The following RAB5B variants were observed in gnomAD, a reference collection of about 807,000 sequenced individuals.
RAB5B encodes RAB5B, member RAS oncogene family.
RAB5B carries 11 observed loss-of-function variants against 28.6 expected under a neutral mutation model. The ratio of observed to expected loss-of-function variants is 0.38; its 90% CI spans 0.24 to 0.64. The LOEUF is 0.64. RAB5B is among the 30% of genes least tolerant of loss of function. RAB5B has a pLI of 0.53. For missense variants in RAB5B, 169 were observed against 265.6 expected, an observed-to-expected ratio of 0.64 and a Z score of 2.53; for synonymous variants, 93 against 97.9, an observed-to-expected ratio of 0.95 and a Z score of 0.29.
chr12:55,996,003 A>ATATTTTTTTTTT lies in RAB5B; in HGVS notation c.*3792_*3793insATTTTTTTTTTT. The ATATTTTTTTTTT allele has an allele frequency of 4.1e-5, 4 of 97,408 alleles. No individual in the cohort carries two copies. Among genetic ancestry groups the ATATTTTTTTTTT allele is most frequent in the Non-Finnish European group, 5.9e-5 (3 of 50,482 alleles). The allele number at this position is 97,408 out of a possible 1,614,324, so 6.0% of individuals were successfully genotyped here. On this transcript the variant is annotated 3_prime_UTR_variant, in exon 6 of 6. Transcript: ENST00000360299. ...TATATACATATATATATATATATAT[A>ATATTTTTTTTTT]TTTTTTTTTTAACAACTGGTAGGAT... is the stretch of plus-strand genomic sequence containing the variant.
At chr12:55,981,785 C>A (rs564628894) in intron 1 of RAB5B, among the ~76,000 whole-genome samples, 1 of 151,574 alleles carries the variant, frequency 6.6e-6, no homozygotes, top group East Asian at 1.9e-4. Flanking sequence ...TTTTATAAGT[C>A]ATTCTTGTAG....
At chr12:55,978,846 C>A (rs1195298396) in intron 1 of RAB5B, among the ~76,000 whole-genome samples, 1 of 149,320 alleles carries the variant, frequency 6.7e-6, no homozygotes, top group Non-Finnish European at 1.5e-5. Flanking sequence ...AATCTGTGCT[C>A]ACTGCAACCT....
rs187639050 is a variant in RAB5B at position 55,987,627 on chromosome 12, C to T, written c.163+504C>T. Reference sequence around the variant, plus strand: ...GGCGGATCACCTGAGGTCAGGAGTTCGAGACCAGCCTGCCCAACATGGCGA... The same window carrying T: ...GGCGGATCACCTGAGGTCAGGAGTTTGAGACCAGCCTGCCCAACATGGCGA... On this transcript the variant is annotated intron_variant, in intron 2 of 5. Coordinates refer to ENST00000360299, the MANE Select transcript of RAB5B (RefSeq NM_002868.4). 2.2e-4 allele frequency among the ~76,000 whole-genome samples: 34 copies of T among 152,128 alleles called. 3 individuals carry two copies. The East Asian group carries it at 6.6e-3, about 30-fold the overall frequency.
intron 4 of RAB5B, chr12:55,991,069 TA>T (rs1890102442): frequency 1.9e-6 from 1 of 528,466 alleles, no homozygotes; most frequent in African/African-American, 1.9e-5. Flanking sequence ...AGGGAGCAAT[TA>T]AATTTGTGGT....
At chr12:55,985,095 T>A (rs1451272499) in intron 1 of RAB5B, among the ~76,000 whole-genome samples, 2 of 152,252 alleles carry the variant, frequency 1.3e-5, no homozygotes, top group African/African-American at 4.8e-5. Context: ...AAGGCTATTA[T>A]CTCATTTTAC....
rs1202480036 is a variant in RAB5B at position 55,996,592 on chromosome 12, C to G, written c.*4380C>G. On this transcript the variant is annotated 3_prime_UTR_variant, in exon 6 of 6. Coordinates refer to ENST00000360299, the MANE Select transcript of RAB5B (RefSeq NM_002868.4). ...TCCTGGGCTTAAGCGATCCTCCCGC[C>G]TCAGCCTCCCGAGTACTGGGACTAC... The G allele has an allele frequency of 1.3e-5, 2 of 152,226 alleles. No homozygotes were observed. The highest frequency in any genetic ancestry group is 2.9e-5 in the Non-Finnish European group (2 of 68,084). The allele number at this position is 152,226 out of a possible 1,614,324, so 9.4% of individuals were successfully genotyped here. A position where few individuals can be genotyped will look rare whatever the true frequency, so the allele number is the denominator to read the frequency against.
Position 55,978,374 on chromosome 12 carries a change from C to T in RAB5B, c.-93+4235C>T, listed in dbSNP as rs1889703781. Among the ~76,000 whole-genome samples the T allele has an allele frequency of 2.0e-5, 3 of 151,844 alleles. No homozygotes were observed. The South Asian group carries it at 6.3e-4, about 32-fold the overall frequency. Reference sequence around the variant, plus strand: ...AAAATTAGCTGGGCGTGGTGGTGGGCGCCTGTAGTCCCCCAGCTTCTCGGG... The same window carrying T: ...AAAATTAGCTGGGCGTGGTGGTGGGTGCCTGTAGTCCCCCAGCTTCTCGGG... On this transcript the variant is annotated intron_variant, in intron 1 of 5. Transcript: ENST00000360299.
chr12:55,977,851 G>A (rs1889688618), intron 1 of RAB5B, among the ~76,000 whole-genome samples: 1 of 152,252 alleles, frequency 6.6e-6, no homozygotes, highest in South Asian at 2.1e-4. Context: ...TTCAGGGACA[G>A]TGGGTACCTT....
At chr12:55,977,427 A>G (rs984901426) in intron 1 of RAB5B, among the ~76,000 whole-genome samples, 52 of 152,136 alleles carry the variant, frequency 3.4e-4, no homozygotes, top group Non-Finnish European at 2.9e-5. Flanking sequence ...GAGCTTTCCC[A>G]TTGCCCTTCA....
chr12:55,983,313 C>T (rs1592798779), intron 1 of RAB5B, among the ~76,000 whole-genome samples: 1 of 152,118 alleles, frequency 6.6e-6, no homozygotes, highest in Non-Finnish European at 1.5e-5. Context: ...AACTCCTGAC[C>T]TCTCAAACAC....
At chr12:55,984,923 G>A (rs982481067) in intron 1 of RAB5B, among the ~76,000 whole-genome samples, 8 of 152,192 alleles carry the variant, frequency 5.3e-5, no homozygotes, top group Admixed American at 5.2e-4. Flanking sequence ...AGAAGGTAAG[G>A]CTTAGAGAGG....
chr12:55,985,673 A>T (rs768454564), intron 1 of RAB5B: 1 of 455,600 alleles, frequency 2.2e-6, no homozygotes, highest in African/African-American at 2.0e-5. Context: ...GATTGCTTGC[A>T]GACTTAACGC....
intron 1 of RAB5B, among the ~76,000 whole-genome samples, chr12:55,981,572 G>A (rs76391716): frequency 3.9e-5 from 6 of 152,010 alleles, no homozygotes; most frequent in African/African-American, 1.2e-4. Context: ...ATTTGGTTTA[G>A]GGACTCAAAG....
chr12:55,988,935 CT>C (rs35994383), intron 2 of RAB5B, among the ~76,000 whole-genome samples: 217 of 94,666 alleles, frequency 2.3e-3, no homozygotes, highest in Non-Finnish European at 3.0e-3. Context: ...CTAATTAATT[CT>C]TTTTTTTTTT....
At chr12:55,983,700 C>T (rs1352891125) in intron 1 of RAB5B, among the ~76,000 whole-genome samples, 1 of 149,462 alleles carries the variant, frequency 6.7e-6, no homozygotes, top group Non-Finnish European at 1.5e-5. Flanking sequence ...TGTTCTGTCG[C>T]CCAGGCTGGA....
In RAB5B at chr12:55,986,909, CCCTTTACAGTATCCCCCTCCCT is replaced by C; in HGVS notation, c.-49_-28del. The C allele has an allele frequency of 1.7e-6, 1 of 584,196 alleles. No individual in the cohort carries two copies. The highest frequency in any genetic ancestry group is 3.2e-6 in the Non-Finnish European group (1 of 308,954). 36.2% of individuals were successfully genotyped at this position (584,196 alleles called of 1,614,324 possible). On this transcript the variant is annotated 5_prime_UTR_variant, in exon 2 of 6. Transcript: ENST00000360299. ...GAAATCCCCTCCCCTTCCCCCTCCC[CCCTTTACAGTATCCCCCTCCCT>C]CCACCCTTTCCCATTCTGATAATCT...
chr12:55,989,904 C>T lies in RAB5B; in HGVS notation c.164-43C>T, dbSNP rs536843962. The T allele has an allele frequency of 7.0e-6, 11 of 1,580,576 alleles. No individual in the cohort carries two copies. The South Asian group carries it at 1.2e-4, about 17-fold the overall frequency. ...GGGGGGGAGGGATGTTCCCATTCAT[C>T]CTCCCACTTACAGCATCTTCCCCTC... On this transcript the variant is annotated intron_variant, in intron 2 of 5. Transcript: ENST00000360299.
At chr12:55,992,014 A>G (rs1890140400) in intron 5 of RAB5B, 83 bp from the exon 6 acceptor site, 1 of 962,482 alleles carries the variant, frequency 1.0e-6, no homozygotes, top group Admixed American at 2.2e-5. Flanking sequence ...TCCCCAATTC[A>G]GTAGCCGTTT....
Position 55,996,003 on chromosome 12 carries a change from A to ATATTTTTTTTTTTTTTTTTTT in RAB5B, c.*3792_*3793insATTTTTTTTTTTTTTTTTTTT. On this transcript the variant is annotated 3_prime_UTR_variant, in exon 6 of 6. Coordinates refer to ENST00000360299, the MANE Select transcript of RAB5B (RefSeq NM_002868.4). ...TATATACATATATATATATATATAT[A>ATATTTTTTTTTTTTTTTTTTT]TTTTTTTTTTAACAACTGGTAGGAT... The ATATTTTTTTTTTTTTTTTTTT allele has an allele frequency of 2.1e-5, 2 of 97,430 alleles. No homozygotes were observed. The highest frequency in any genetic ancestry group is 9.5e-5 in the African/African-American group (2 of 21,118). The allele number at this position is 97,430 out of a possible 1,614,324, so 6.0% of individuals were successfully genotyped here.
Sources: allele counts gnomAD v4.1 joint callset (sites outside exome capture counted in the v4.1 genomes callset), GRCh38; gene constraint gnomAD v4.1.1; transcripts MANE v1.5; gene names NCBI Gene and HGNC (gene_info 2026-07-23, HGNC 2026-07-21).